Variants in NPIPA8 observed in about 807,000 individuals in gnomAD.
The protein encoded by NPIPA8 is nuclear pore complex interacting protein family member A8, also known as nuclear pore complex-interacting protein family member A8.
Under a neutral mutation model 7.1 loss-of-function variants are expected in NPIPA8, and 1 was observed. The ratio of observed to expected loss-of-function variants is 0.14; its 90% CI spans 0.05 to 0.66. NPIPA8 has a LOEUF of 0.66. Ranked by LOEUF, NPIPA8 falls within the 30% of genes least tolerant of loss-of-function variation. The probability of loss-of-function intolerance (pLI) is 0.84; values close to 1 mark genes in which losing one functional copy is unlikely to be tolerated.
chr16:18,336,068 C>A (rs375589625), upstream of NPIPA8, among the ~76,000 whole-genome samples: 1,308 of 150,494 alleles, frequency 8.7e-3, 2 homozygotes, highest in Non-Finnish European at 0.012. Context: ...CTGATCTGCC[C>A]GCCTCGGCCT....
intron 4 of NPIPA8, among the ~76,000 whole-genome samples, chr16:18,323,847 A>AAAAAAAAAAG (rs750129798): frequency 0.018 from 1,681 of 91,208 alleles, 235 homozygotes; most frequent in East Asian, 0.073. Flanking sequence ...AAAAAAAAAA[A>AAAAAAAAAAG]AGAGAAAGGA....
At chr16:18,323,540 G>T (rs1419892276) in intron 4 of NPIPA8, among the ~76,000 whole-genome samples, 5 of 49,814 alleles carry the variant, frequency 1.0e-4, no homozygotes, top group Admixed American at 2.7e-4. Context: ...AAAAAAGGCT[G>T]GGTGCTGGGT....
rs750129798 is a variant in NPIPA8 at position 18,323,847 on chromosome 16, A to AAAAAAAG, written c.437+243_437+244insCTTTTTT. Reference sequence around the variant, plus strand: ...AAAAAAAAAAAAAAAAAAAAAAAAAAAGAGAAAGGAAAACCAATGCCAGTA... The same window carrying AAAAAAAG: ...AAAAAAAAAAAAAAAAAAAAAAAAAAAAAAAAGAGAGAAAGGAAAACCAATGCCAGTA... On this transcript the variant is annotated intron_variant, in intron 4 of 7. Coordinates refer to ENST00000541810, the Ensembl canonical transcript of NPIPA8. 1.0e-3 allele frequency among the ~76,000 whole-genome samples: 96 copies of AAAAAAAG among 91,618 alleles called. 11 individuals carry two copies. The highest frequency in any genetic ancestry group is 3.0e-3 in the African/African-American group (79 of 26,560). The allele number at this position is 91,618 out of a possible 152,430, so 60.1% of individuals were successfully genotyped here.
upstream of NPIPA8, among the ~76,000 whole-genome samples, chr16:18,335,987 A>T (rs1475051828): frequency 6.6e-6 from 1 of 150,956 alleles, no homozygotes; most frequent in African/African-American, 2.5e-5. Flanking sequence ...TGCCCAGCTA[A>T]GTTTTTGTAT....
rs868291094 is a variant in NPIPA8 at position 18,325,056 on chromosome 16, T to C, written c.193-558A>G. ...GGCTGAGGCAGGAGAATCACTTGAA[T>C]CCAGCAGGAAAAGGTTGTGGTGAGC... On this transcript the variant is annotated intron_variant, in intron 2 of 7. Transcript: ENST00000541810. Among the ~76,000 whole-genome samples the C allele has an allele frequency of 4.0e-4, 25 of 62,344 alleles. 3 individuals carry two copies. The highest frequency in any genetic ancestry group is 3.8e-3 in the South Asian group (7 of 1,834). The allele number at this position is 62,344 out of a possible 152,430, so 40.9% of individuals were successfully genotyped here.
In NPIPA8 at chr16:18,325,107, C is replaced by A. The variant is rs1346639359; in HGVS notation, c.193-609G>T. ...TGAGATTGTGCCATTGCACTCCAAC[C>A]TGGGCAACAAAATTCAAACTCTGTC... On this transcript the variant is annotated intron_variant, in intron 2 of 7. Transcript: ENST00000541810. Among the ~76,000 whole-genome samples the A allele has an allele frequency of 4.4e-3, 323 of 73,568 alleles. 36 individuals carry two copies. The highest frequency in any genetic ancestry group is 0.015 in the African/African-American group (258 of 16,996). The allele number at this position is 73,568 out of a possible 152,430, so 48.3% of individuals were successfully genotyped here.
At chr16:18,336,252 C>T (rs1373181612), upstream of NPIPA8, among the ~76,000 whole-genome samples, 4 of 122,726 alleles carry the variant, frequency 3.3e-5, no homozygotes, top group Admixed American at 1.7e-4. Context: ...ACACCCGGCC[C>T]GGCCACTGGG....
At chr16:18,335,553 C>A (rs1182197696), upstream of NPIPA8, among the ~76,000 whole-genome samples, 3 of 112,016 alleles carry the variant, frequency 2.7e-5, 1 homozygote, top group South Asian at 8.0e-4. Flanking sequence ...GCCTCTGGTT[C>A]CTGCCACGGA....
chr16:18,323,823 A>G (rs1218936356), intron 4 of NPIPA8, among the ~76,000 whole-genome samples: 674 of 53,856 alleles, frequency 0.013, 11 homozygotes, highest in African/African-American at 0.05. Flanking sequence ...TCTCAGGAAA[A>G]AAAAAAAAAA....
At chr16:18,335,371 G>C (rs1900151658), upstream of NPIPA8, among the ~76,000 whole-genome samples, 1 of 85,080 alleles carries the variant, frequency 1.2e-5, no homozygotes, top group Non-Finnish European at 2.3e-5. Flanking sequence ...CTAATTTTTT[G>C]TATTTTTAGT....
At chr16:18,323,822 A>AG (rs1900052381) in intron 4 of NPIPA8, among the ~76,000 whole-genome samples, 1 of 50,304 alleles carries the variant, frequency 2.0e-5, no homozygotes, top group African/African-American at 1.0e-4. Context: ...ATCTCAGGAA[A>AG]AAAAAAAAAA....
intron 2 of NPIPA8, among the ~76,000 whole-genome samples, chr16:18,325,207 C>A (rs1413401764): frequency 1.5e-5 from 1 of 65,310 alleles, no homozygotes; most frequent in Non-Finnish European, 3.0e-5. Flanking sequence ...GAGGCCGAGG[C>A]GGGTGAATCA....
At chr16:18,323,342 CAAAAAAA>C (rs1336478438) in intron 4 of NPIPA8, among the ~76,000 whole-genome samples, 1 of 12,210 alleles carries the variant, frequency 8.2e-5, no homozygotes, top group Non-Finnish European at 1.4e-4. Flanking sequence ...GACTCCGTCT[CAAAAAAA>C]AAAAAAAAAA....
upstream of NPIPA8, chr16:18,336,613 G>A (rs1267075531): frequency 1.2e-4 from 2 of 17,166 alleles, no homozygotes; most frequent in East Asian, 8.0e-4. Flanking sequence ...CAGTACTCCC[G>A]GGTCCCCAGC....
chr16:18,335,882 G>A (rs1225128113), upstream of NPIPA8, among the ~76,000 whole-genome samples: 30 of 138,310 alleles, frequency 2.2e-4, no homozygotes, highest in Non-Finnish European at 4.0e-4. Context: ...GTGCAGTGGC[G>A]CAATCTCGGC....
At chr16:18,323,847 A>AAAAAAAGAG (rs750129798) in intron 4 of NPIPA8, among the ~76,000 whole-genome samples, 3 of 91,634 alleles carry the variant, frequency 3.3e-5, no homozygotes, top group African/African-American at 1.1e-4. Context: ...AAAAAAAAAA[A>AAAAAAAGAG]AGAGAAAGGA....
upstream of NPIPA8, chr16:18,336,690 C>A: frequency 2.7e-5 from 1 of 37,154 alleles, no homozygotes; most frequent in Admixed American, 3.0e-4. Flanking sequence ...GGATAGACAA[C>A]CACGCTGGAC....
upstream of NPIPA8, among the ~76,000 whole-genome samples, chr16:18,335,597 C>T (rs935887242): frequency 1.9e-5 from 2 of 107,924 alleles, no homozygotes; most frequent in Non-Finnish European, 3.8e-5. Context: ...GCGGCTTATG[C>T]GCCTTCTCTG....
In NPIPA8 at chr16:18,323,819, GAAAAAAA is replaced by G. The variant is rs1162097124; in HGVS notation, c.437+265_437+271del. Reference sequence around the variant, plus strand: ...CAACAAGAGCAAAGCCCCATCTCAGGAAAAAAAAAAAAAAAAAAAAAAAAAAAAAGAG... The same window carrying G: ...CAACAAGAGCAAAGCCCCATCTCAGGAAAAAAAAAAAAAAAAAAAAAAGAG... On this transcript the variant is annotated intron_variant, in intron 4 of 7. Coordinates refer to ENST00000541810, the Ensembl canonical transcript of NPIPA8. 1.9e-3 allele frequency among the ~76,000 whole-genome samples: 64 copies of G among 33,128 alleles called. 1 individual carries two copies. The South Asian group carries it at 0.027, about 14-fold the overall frequency. The allele number at this position is 33,128 out of a possible 152,430, so 21.7% of individuals were successfully genotyped here.
Sources: gnomAD v4.1 joint callset for allele counts (sites outside exome capture counted in the v4.1 genomes callset) on GRCh38, gnomAD v4.1.1 for gene constraint, MANE v1.5 for transcripts, NCBI Gene and HGNC (gene_info 2026-07-23, HGNC 2026-07-21) for gene names.